The following MED12L variants were observed in gnomAD, a reference collection of about 807,000 sequenced individuals.
The protein encoded by MED12L is mediator of RNA polymerase II transcription subunit 12-like protein.
MED12L carries 60 observed loss-of-function variants against 281.3 expected under a neutral mutation model. The observed-to-expected ratio is 0.21, with a 90% CI of 0.17 to 0.26. The LOEUF (loss-of-function observed/expected upper bound fraction) is 0.26. Among genes scored for constraint, MED12L ranks in the 10% least tolerant of loss-of-function variants. The probability of loss-of-function intolerance (pLI) is 1.00; values close to 1 mark genes in which losing one functional copy is unlikely to be tolerated. For synonymous variants in MED12L, 974 were observed against 987.2 expected (o/e 0.99, Z 0.25); for missense variants, 2,146 against 2,680.9 (o/e 0.80, Z 4.41).
intron 25 of MED12L, among the ~76,000 whole-genome samples, chr3:151,368,737 T>TCATTTCATG (rs1560087994): frequency 3.4e-4 from 26 of 77,198 alleles, no homozygotes; most frequent in Admixed American, 5.7e-4. Context: ...TTCATTTCAT[T>TCATTTCATG]TCATTTCATT....
In MED12L at chr3:151,430,257, A is replaced by G. The variant is rs1222588455; in HGVS notation, c.6409-42A>G. On this transcript the variant is annotated intron_variant, in intron 43 of 44. Transcript: ENST00000687756. ...GTCTCTGTTCTTGTCTGTGATTGGC[A>G]CCATGGAATGATTTCTGTCCTTTCT... is the stretch of plus-strand genomic sequence containing the variant. 3 of 1,612,602 alleles carry G rather than the reference A, an allele frequency of 1.9e-6. No individual in the cohort carries two copies. The African/African-American group carries it at 4.0e-5, about 22-fold the overall frequency.
At chr3:151,245,106 C>T (rs553455345) in intron 16 of MED12L, among the ~76,000 whole-genome samples, 267 of 152,320 alleles carry the variant, frequency 1.8e-3, no homozygotes, top group Non-Finnish European at 2.0e-3. Context: ...ATAACAGCAT[C>T]TGAAATTGTG....
intron 4 of MED12L, among the ~76,000 whole-genome samples, chr3:151,127,327 T>G (rs1714687024): frequency 6.6e-6 from 1 of 152,220 alleles, no homozygotes. Flanking sequence ...CTAATGTCAC[T>G]TTTAGAAGCT....
At chr3:151,220,628 T>C (rs557314765) in intron 16 of MED12L, among the ~76,000 whole-genome samples, 1 of 152,322 alleles carries the variant, frequency 6.6e-6, no homozygotes, top group South Asian at 2.1e-4. Context: ...CTGATGGTTT[T>C]AAAAACGAGA....
At chr3:151,126,153 A>G (rs968866094) in intron 4 of MED12L, among the ~76,000 whole-genome samples, 2 of 151,282 alleles carry the variant, frequency 1.3e-5, no homozygotes, top group Non-Finnish European at 2.9e-5. Flanking sequence ...GGCTCAAGCA[A>G]TTCTCCCACC....
At chr3:151,379,572 ACT>A (rs1430463252) in intron 31 of MED12L, among the ~76,000 whole-genome samples, 4 of 152,160 alleles carry the variant, frequency 2.6e-5, no homozygotes, top group Non-Finnish European at 5.9e-5. Context: ...CAGCAAGTAC[ACT>A]GTTTTTGGAG....
intron 16 of MED12L, among the ~76,000 whole-genome samples, chr3:151,205,319 G>T (rs938595268): frequency 2.6e-5 from 4 of 152,104 alleles, no homozygotes; most frequent in Admixed American, 2.6e-4. Context: ...CATTACTTAT[G>T]AATATTTCAT....
At chr3:151,189,631 G>A (rs1055928169) in intron 13 of MED12L, among the ~76,000 whole-genome samples, 1 of 152,140 alleles carries the variant, frequency 6.6e-6, no homozygotes, top group Non-Finnish European at 1.5e-5. Context: ...GCTCATCACC[G>A]AGTTTGGTAG....
At chr3:151,195,883 A>G (rs1262306049) in intron 16 of MED12L, among the ~76,000 whole-genome samples, 1 of 152,218 alleles carries the variant, frequency 6.6e-6, no homozygotes, top group Non-Finnish European at 1.5e-5. Flanking sequence ...TTACTCTAAT[A>G]AAAAGTTTAT....
At chr3:151,424,033 T>C (rs1387267982) in intron 43 of MED12L, among the ~76,000 whole-genome samples, 2 of 152,254 alleles carry the variant, frequency 1.3e-5, no homozygotes, top group Non-Finnish European at 2.9e-5. Flanking sequence ...CTCAAGAAAT[T>C]CATTTGTTCC....
intron 26 of MED12L, among the ~76,000 whole-genome samples, chr3:151,370,149 A>T (rs1355056532): frequency 6.6e-6 from 1 of 152,186 alleles, no homozygotes. Flanking sequence ...CTTATTTGTA[A>T]GAATTTTCCT....
chr3:151,368,614 T>C lies in MED12L; in HGVS notation c.3550+363T>C, dbSNP rs74627613. On this transcript the variant is annotated intron_variant, in intron 25 of 44. Coordinates refer to ENST00000687756, the MANE Select transcript of MED12L (RefSeq NM_001393769.1). ...TATTTTATTTTATTTTATTTTATTT[T>C]ATTTTATTTTATTTTATTTCATTTC... Among the ~76,000 whole-genome samples the C allele has an allele frequency of 1.7e-3, 124 of 74,128 alleles. 2 individuals are homozygous for C. The highest frequency in any genetic ancestry group is 0.014 in the East Asian group (47 of 3,380). 48.6% of individuals were successfully genotyped at this position (74,128 alleles called of 152,430 possible).
In MED12L at chr3:151,269,397, T is replaced by TCACACACACACACACACA. The variant is rs71801434; in HGVS notation, c.2250+75758_2250+75775dup. The stretch of plus-strand genomic sequence containing the variant: ...CCTGGGCAACAAGAGTGAAACTCCA[T>TCACACACACACACACACA]CACACACACACACACACACACACAC... On this transcript the variant is annotated intron_variant, in intron 16 of 44. Coordinates refer to ENST00000687756, the MANE Select transcript of MED12L (RefSeq NM_001393769.1). 332 of 144,812 alleles carry TCACACACACACACACACA rather than the reference T, an allele frequency of 2.3e-3. 3 individuals are homozygous for TCACACACACACACACACA. The highest frequency in any genetic ancestry group is 6.7e-3 in the African/African-American group (228 of 34,138). 9.0% of individuals were successfully genotyped at this position (144,812 alleles called of 1,614,324 possible).
At chr3:151,206,845 C>T (rs1345013540) in intron 16 of MED12L, among the ~76,000 whole-genome samples, 3 of 151,620 alleles carry the variant, frequency 2.0e-5, no homozygotes, top group Admixed American at 6.6e-5. Flanking sequence ...GGGGTTTCAC[C>T]GTGTTAGCCA....
At chr3:151,349,253 G>GA (rs139597859) in intron 16 of MED12L, among the ~76,000 whole-genome samples, 11,084 of 152,100 alleles carry the variant, frequency 0.073, 1,402 homozygotes, top group African/African-American at 0.25. Flanking sequence ...CCCACGTGGG[G>GA]AAAAAAATGG....
intron 16 of MED12L, among the ~76,000 whole-genome samples, chr3:151,208,271 T>C (rs1726636828): frequency 2.6e-5 from 4 of 152,226 alleles, no homozygotes; most frequent in Admixed American, 2.0e-4. Flanking sequence ...TATGTTCTCA[T>C]GCAGTCAATA....
chr3:151,105,247 A>ATC (rs1420140610), intron 2 of MED12L, among the ~76,000 whole-genome samples: 2 of 152,006 alleles, frequency 1.3e-5, no homozygotes, highest in African/African-American at 4.8e-5. Flanking sequence ...TGCTTCCTTC[A>ATC]TCGCCTTCTT....
rs944099969 is a variant in MED12L at position 151,143,341 on chromosome 3, A to G, written c.557-12820A>G. ...ATTTAGGACCTAAATAGTAAGCACAATGCCACTTTAACTATTGAAACGTTA... is the reference window on the plus strand; with the variant it reads ...ATTTAGGACCTAAATAGTAAGCACAGTGCCACTTTAACTATTGAAACGTTA... On this transcript the variant is annotated intron_variant, in intron 5 of 44. Transcript: ENST00000687756. Among the ~76,000 whole-genome samples, 40 of 152,260 alleles carry G rather than the reference A, an allele frequency of 2.6e-4. 1 individual carries two copies. Among genetic ancestry groups the G allele is most frequent in the Admixed American group, 2.6e-3 (40 of 15,290 alleles).
intron 16 of MED12L, among the ~76,000 whole-genome samples, chr3:151,340,312 T>A (rs1751651518): frequency 6.6e-6 from 1 of 152,182 alleles, no homozygotes; most frequent in Non-Finnish European, 1.5e-5. Flanking sequence ...TCAGCTCCCT[T>A]TATCTGTATT....
Sources: gnomAD v4.1 joint callset for allele counts (sites outside exome capture counted in the v4.1 genomes callset) on GRCh38, gnomAD v4.1.1 for gene constraint, MANE v1.5 for transcripts, NCBI Gene and HGNC (gene_info 2026-07-23, HGNC 2026-07-21) for gene names.